Variants in ST18 observed in about 807,000 individuals in gnomAD.
The protein encoded by ST18 is suppression of tumorigenicity 18 protein.
In ST18, 50 loss-of-function variants were observed where a neutral mutation model predicts 110.0. The ratio of observed to expected loss-of-function variants is 0.45; its 90% confidence interval spans 0.36 to 0.58. The LOEUF (loss-of-function observed/expected upper bound fraction) is 0.58, where lower values mean the gene tolerates loss of function less well. Among genes scored for constraint, ST18 ranks in the 20% least tolerant of loss-of-function variants. The pLI is 0.00. For synonymous variants in ST18, 461 were observed against 452.4 expected (o/e 1.02, Z -0.24); for missense variants, 1,306 against 1,280.1 (o/e 1.02, Z -0.31).
In ST18 at chr8:52,129,470, A is replaced by G. The variant is rs868544091; in HGVS notation, c.2666+2488T>C. On this transcript the variant is annotated intron_variant, in intron 22 of 25. Coordinates refer to ENST00000689386, the MANE Select transcript of ST18 (RefSeq NM_001352837.2). ...CTCCATCAAAAAAAAAAAAAAAAAA[A>G]AAAGAAAGAAATTCCACACACAGAA... Among the ~76,000 whole-genome samples, 74 of 151,214 alleles carry G rather than the reference A, an allele frequency of 4.9e-4. 1 individual carries two copies. The highest frequency in any genetic ancestry group is 3.4e-3 in the Middle Eastern group (1 of 290).
chr8:52,341,235 C>T (rs776351497), intron 2 of ST18, among the ~76,000 whole-genome samples: 9 of 152,074 alleles, frequency 5.9e-5, no homozygotes, highest in Non-Finnish European at 1.0e-4. Context: ...TTTGGAGACC[C>T]CAAAATCAAA....
At chr8:52,270,852 T>G (rs2095050662) in intron 2 of ST18, among the ~76,000 whole-genome samples, 1 of 152,102 alleles carries the variant, frequency 6.6e-6, no homozygotes, top group South Asian at 2.1e-4. Flanking sequence ...ATTGTGCACT[T>G]TAAGTGGGTG....
intron 2 of ST18, among the ~76,000 whole-genome samples, chr8:52,355,355 G>C (rs562297081): frequency 6.6e-6 from 1 of 152,268 alleles, no homozygotes; most frequent in African/African-American, 2.4e-5. Flanking sequence ...CCTCCTCCTA[G>C]TTTCATCCTC....
chr8:52,406,611 G>A (rs1844601065), intron 2 of ST18: 1 of 152,272 alleles, frequency 6.6e-6, no homozygotes, highest in Non-Finnish European at 1.5e-5. Context: ...TTGACAAAGG[G>A]AACCCGCAGG....
intron 16 of ST18, among the ~76,000 whole-genome samples, chr8:52,143,607 A>C (rs2056139786): frequency 6.6e-6 from 1 of 152,246 alleles, no homozygotes; most frequent in Non-Finnish European, 1.5e-5. Flanking sequence ...AAAAGTTCAC[A>C]TTTTGGCAAA....
At chr8:52,236,806 G>C (rs1002799521) in intron 2 of ST18, among the ~76,000 whole-genome samples, 1 of 152,124 alleles carries the variant, frequency 6.6e-6, no homozygotes, top group Admixed American at 6.6e-5. Context: ...CCAGTCATAA[G>C]AGCTAAGATA....
chr8:52,350,029 C>G (rs1338038228), intron 2 of ST18, among the ~76,000 whole-genome samples: 1 of 152,078 alleles, frequency 6.6e-6, no homozygotes, highest in East Asian at 1.9e-4. Flanking sequence ...TGTTCCACAC[C>G]CCGCAGGACC....
chr8:52,263,294 C>G (rs181908224), intron 2 of ST18, among the ~76,000 whole-genome samples: 1 of 152,282 alleles, frequency 6.6e-6, no homozygotes, highest in African/African-American at 2.4e-5. Context: ...AGATACTTCA[C>G]GCTTTGCAGA....
intron 25 of ST18, among the ~76,000 whole-genome samples, chr8:52,113,819 A>C (rs114100500): frequency 0.016 from 2,434 of 152,104 alleles, 76 homozygotes; most frequent in African/African-American, 0.055. Context: ...TTGTGATGGA[A>C]AATTTTCCTC....
chr8:52,397,612 C>T lies in ST18; in HGVS notation c.-465+11716G>A, dbSNP rs527844609. Among the ~76,000 whole-genome samples the T allele has an allele frequency of 2.6e-5, 4 of 152,210 alleles. No individual in the cohort carries two copies. In the East Asian group the frequency reaches 7.7e-4, roughly 29 times the overall value. On this transcript the variant is annotated intron_variant, in intron 2 of 25. Transcript: ENST00000689386. ...AGGTCTTACATTTAGGCCTTTTATC[C>T]ATTTTGAGATTTTTGTATATGGTAT... is the stretch of plus-strand genomic sequence containing the variant.
chr8:52,174,703 T>C (rs1267548439), intron 9 of ST18, among the ~76,000 whole-genome samples: 1 of 152,238 alleles, frequency 6.6e-6, no homozygotes, highest in African/African-American at 2.4e-5. Flanking sequence ...CAACTGTTTG[T>C]TATATGCTAA....
intron 2 of ST18, among the ~76,000 whole-genome samples, chr8:52,297,248 G>A (rs1359517040): frequency 6.6e-6 from 1 of 152,182 alleles, no homozygotes; most frequent in Non-Finnish European, 1.5e-5. Flanking sequence ...GTCATTGTAC[G>A]TGAAGTGTGT....
intron 2 of ST18, among the ~76,000 whole-genome samples, chr8:52,242,399 C>A (rs895314627): frequency 6.6e-6 from 1 of 152,232 alleles, no homozygotes; most frequent in Admixed American, 6.5e-5. Flanking sequence ...CAGGCTCTGA[C>A]CAAGCAGCCC....
At chr8:52,172,718 C>T (rs2065418248) in intron 9 of ST18, 135 bp from the exon 10 acceptor site, 4 of 584,684 alleles carry the variant, frequency 6.8e-6, no homozygotes, top group Non-Finnish European at 5.7e-6. Context: ...TACACATATA[C>T]ATACATAATA....
intron 2 of ST18, among the ~76,000 whole-genome samples, chr8:52,309,536 A>AG (rs1319351777): frequency 6.6e-6 from 1 of 151,024 alleles, no homozygotes; most frequent in Non-Finnish European, 1.5e-5. Flanking sequence ...AAAAAAAAAA[A>AG]AAAAAAAAGA....
chr8:52,150,103 C>T, intron 15 of ST18, 126 bp from the exon 16 acceptor site: 3 of 1,328,268 alleles, frequency 2.3e-6, no homozygotes, highest in South Asian at 1.5e-5. Context: ...TTAAATCTAG[C>T]TTTCTGATTT....
At chr8:52,389,600 A>G (rs367896903) in intron 2 of ST18, among the ~76,000 whole-genome samples, 5 of 152,158 alleles carry the variant, frequency 3.3e-5, no homozygotes, top group African/African-American at 1.2e-4. Flanking sequence ...TTGAATCGTC[A>G]CCTGGGAAGC....
At chr8:52,380,427 G>A (rs1834068599) in intron 2 of ST18, among the ~76,000 whole-genome samples, 3 of 152,016 alleles carry the variant, frequency 2.0e-5, no homozygotes, top group Admixed American at 1.3e-4. Flanking sequence ...AGTTAAGTTT[G>A]GGGGGAGTGG....
intron 2 of ST18, among the ~76,000 whole-genome samples, chr8:52,288,077 A>G (rs1306885164): frequency 1.3e-5 from 2 of 152,216 alleles, no homozygotes; most frequent in African/African-American, 4.8e-5. Context: ...TACTGCAAAT[A>G]TAAACAGAAC....
Sources: gnomAD v4.1 joint callset for allele counts (sites outside exome capture counted in the v4.1 genomes callset) on GRCh38, gnomAD v4.1.1 for gene constraint, MANE v1.5 for transcripts, NCBI Gene and HGNC (gene_info 2026-07-23, HGNC 2026-07-21) for gene names.